The following RPL31 variants were observed in gnomAD, a reference collection of about 807,000 sequenced individuals.
RPL31 encodes the protein ribosomal protein L31.
For synonymous variants in RPL31, 51 were observed against 55.0 expected (o/e 0.93, Z 0.32); for missense variants, 95 against 164.0 (o/e 0.58, Z 2.30).
chr2:101,004,043 A>G, intron 2 of RPL31, 115 bp from the exon 3 acceptor site: 1 of 1,214,832 alleles, frequency 8.2e-7, no homozygotes, highest in South Asian at 1.5e-5. Flanking sequence ...TTTGTTACAT[A>G]AGACATTGCT....
chr2:101,006,460 G>C lies in RPL31; in HGVS notation c.*79G>C. On this transcript the variant is annotated 3_prime_UTR_variant, in exon 5 of 5. Transcript: ENST00000264258. Reference sequence around the variant, plus strand: ...TTTTTAGTTGCAACATAATGTACTTGTATACCCTATCCTAATTATGGGATC... The same window carrying C: ...TTTTTAGTTGCAACATAATGTACTTCTATACCCTATCCTAATTATGGGATC... 7.5e-7 allele frequency: 1 copy of C among 1,329,910 alleles called. No individual in the cohort carries two copies. The highest frequency in any genetic ancestry group is 1.4e-5 in the South Asian group (1 of 73,902). The allele number at this position is 1,329,910 out of a possible 1,614,324, so 82.4% of individuals were successfully genotyped here.
At chr2:101,011,754 A>G (rs1429447403), downstream of RPL31, among the ~76,000 whole-genome samples, 1 of 152,228 alleles carries the variant, frequency 6.6e-6, no homozygotes, top group Non-Finnish European at 1.5e-5. Flanking sequence ...GCCTTTTCCC[A>G]GAGGTATGTG....
chr2:101,010,017 G>A (rs543237923), downstream of RPL31, among the ~76,000 whole-genome samples: 116 of 151,554 alleles, frequency 7.7e-4, no homozygotes, highest in Non-Finnish European at 1.4e-3. Context: ...TAGTAGAGAC[G>A]GGGTTTCACC....
chr2:101,017,065 TAAAAG>T (rs1679704164), intron 4 of RPL31, among the ~76,000 whole-genome samples: 2 of 139,598 alleles, frequency 1.4e-5, no homozygotes, highest in Non-Finnish European at 3.2e-5. Flanking sequence ...CCCTAAAACT[TAAAAG>T]TATTAAAAAA....
chr2:101,015,015 T>C (rs1212378928), intron 4 of RPL31, among the ~76,000 whole-genome samples: 1 of 152,182 alleles, frequency 6.6e-6, no homozygotes, highest in Non-Finnish European at 1.5e-5. Context: ...TTCTGAGAAA[T>C]GCATCATTAG....
Position 101,004,294 on chromosome 2 carries a change from T to A in RPL31, c.233+11T>A, listed in dbSNP as rs974601289. 10 of 1,613,510 alleles carry A rather than the reference T, an allele frequency of 6.2e-6. No individual in the cohort carries two copies. Among genetic ancestry groups the A allele is most frequent in the Non-Finnish European group, 8.5e-6 (10 of 1,179,844 alleles). On this transcript the variant is annotated intron_variant, in intron 3 of 4. Transcript: ENST00000264258. ...GGCCAAAGGAATAAGGTGCTAAAGT[T>A]ATCTGTATTCGAAGGTGAACTTTTG...
intron 4 of RPL31, among the ~76,000 whole-genome samples, chr2:101,015,243 GA>G (rs1010081499): frequency 6.6e-5 from 10 of 150,430 alleles, no homozygotes; most frequent in African/African-American, 1.2e-4. Context: ...TGGTATAAAA[GA>G]AAAAAAAATG....
intron 1 of RPL31, 68 bp from the exon 2 acceptor site, chr2:101,002,634 G>C (rs1370473921): frequency 5.4e-6 from 7 of 1,296,918 alleles, no homozygotes; most frequent in African/African-American, 2.9e-5. Context: ...ACAGCGTGAG[G>C]CTGGGAGGGA....
chr2:101,010,014 G>C (rs536096014), downstream of RPL31, among the ~76,000 whole-genome samples: 34 of 151,750 alleles, frequency 2.2e-4, no homozygotes, highest in African/African-American at 7.8e-4. Context: ...TTTTAGTAGA[G>C]ACGGGGTTTC....
chr2:101,005,687 T>C lies in RPL31; in HGVS notation c.234-272T>C, dbSNP rs115814216. ...CAAAAGACTAACACATTTGGACCAT[T>C]TGGACCCAGATATCTGCTTAGGATT... On this transcript the variant is annotated intron_variant, in intron 3 of 4. Transcript: ENST00000264258. The C allele has an allele frequency of 1.4e-3, 599 of 435,600 alleles. 5 individuals are homozygous for C. The highest frequency in any genetic ancestry group is 0.011 in the African/African-American group (560 of 48,704). 27.0% of individuals were successfully genotyped at this position (435,600 alleles called of 1,614,324 possible).
chr2:101,010,607 G>A (rs573385533), downstream of RPL31, among the ~76,000 whole-genome samples: 36 of 151,770 alleles, frequency 2.4e-4, no homozygotes, highest in African/African-American at 8.0e-4. Context: ...ATTCTCGGTC[G>A]GGCGCGGTGG....
At chr2:101,007,591 T>TAA (rs1403900654), downstream of RPL31, 1 of 526,018 alleles carries the variant, frequency 1.9e-6, no homozygotes, top group East Asian at 3.1e-5. Flanking sequence ...GTAAAAATTG[T>TAA]AAGTTGGCAT....
downstream of RPL31, chr2:101,011,640 TC>T: frequency 8.0e-7 from 1 of 1,247,212 alleles, no homozygotes; most frequent in Non-Finnish European, 1.1e-6. Context: ...AGCCAGCAGC[TC>T]CCAGCCTGTG....
Position 101,015,465 on chromosome 2 carries a change from T to C in RPL31, c.347-3533T>C, listed in dbSNP as rs142756400. ...AATTAACCTCAGCTTACTGTAACTT[T>C]TTACTTTATAAACTTTTTGACTCTT... On this transcript the variant is annotated intron_variant, in intron 4 of 4. Coordinates refer to the RPL31 transcript ENST00000409028. Among the ~76,000 whole-genome samples the C allele has an allele frequency of 4.5e-3, 686 of 152,296 alleles. 7 individuals are homozygous for C. The highest frequency in any genetic ancestry group is 0.016 in the African/African-American group (650 of 41,576).
At chr2:101,005,771 G>A in intron 3 of RPL31, 188 bp from the exon 4 acceptor site, 1 of 599,342 alleles carries the variant, frequency 1.7e-6, no homozygotes. Context: ...CATCCCTCCT[G>A]TGGTAACAGC....
chr2:101,016,236 A>G (rs1310108338), intron 4 of RPL31, among the ~76,000 whole-genome samples: 1 of 152,110 alleles, frequency 6.6e-6, no homozygotes, highest in African/African-American at 2.4e-5. Context: ...AGAAAAAAAC[A>G]AACAACGCCA....
chr2:101,014,002 C>G (rs1679429764), intron 4 of RPL31, among the ~76,000 whole-genome samples: 1 of 152,200 alleles, frequency 6.6e-6, no homozygotes, highest in Admixed American at 6.5e-5. Context: ...ATAGGAAAAT[C>G]AACTAAGTTA....
downstream of RPL31, chr2:101,008,339 C>T: frequency 7.8e-7 from 1 of 1,274,328 alleles, no homozygotes; most frequent in South Asian, 1.7e-5. Flanking sequence ...TTTTTTTAAA[C>T]ATACCTGTGA....
downstream of RPL31, among the ~76,000 whole-genome samples, chr2:101,010,106 G>A (rs560695940): frequency 1.8e-4 from 27 of 151,992 alleles, no homozygotes; most frequent in African/African-American, 6.0e-4. Flanking sequence ...GATTACAGAC[G>A]TGAGCCAAAA....
Sources: gnomAD v4.1 joint callset for allele counts (sites outside exome capture counted in the v4.1 genomes callset) on GRCh38, gnomAD v4.1.1 for gene constraint, MANE v1.5 for transcripts, NCBI Gene and HGNC (gene_info 2026-07-23, HGNC 2026-07-21) for gene names.